Variants in HNRNPC observed in about 807,000 individuals in gnomAD.
HNRNPC encodes heterogeneous nuclear ribonucleoproteins C1/C2.
Under a neutral mutation model 33.2 loss-of-function variants are expected in HNRNPC, and 3 were observed. That is an observed-to-expected ratio of 0.09 (90% CI 0.04 to 0.23). HNRNPC has a LOEUF of 0.23. Among genes scored for constraint, HNRNPC ranks in the 10% least tolerant of loss-of-function variants. The probability of loss-of-function intolerance (pLI) is 1.00; values close to 1 mark genes in which losing one functional copy is unlikely to be tolerated. For missense variants in HNRNPC, 143 were observed against 366.7 expected (o/e 0.39, Z 4.98); for synonymous variants, 121 against 126.7 (o/e 0.96, Z 0.30).
rs1376943783 is a variant in HNRNPC at position 21,209,540 on chromosome 14, T to C, written c.*1683A>G. The C allele has an allele frequency of 6.6e-6, 1 of 152,220 alleles. No individual in the cohort carries two copies. Among genetic ancestry groups the C allele is most frequent in the Admixed American group, 6.5e-5 (1 of 15,272 alleles). 9.4% of individuals were successfully genotyped at this position (152,220 alleles called of 1,614,324 possible). A position where few individuals can be genotyped will look rare whatever the true frequency, so the allele number is the denominator to read the frequency against. ...AAGTGGGTAGTATTTTTGACTGAAT[T>C]AACATACAAAAGAAATTGCCTATAT... is the stretch of plus-strand genomic sequence containing the variant. On this transcript the variant is annotated 3_prime_UTR_variant, in exon 9 of 9. Transcript: ENST00000553300.
rs1412620886 is a variant in HNRNPC, at chr14:21,230,308, T to G, written c.365+11A>C. 1 of 1,591,218 alleles carries G rather than the reference T, an allele frequency of 6.3e-7. No homozygotes were observed. The highest frequency in any genetic ancestry group is 1.7e-5 in the Admixed American group (1 of 59,606). The stretch of plus-strand genomic sequence containing the variant: ...AGCTGTTTAGCAGAAATACAAAACA[T>G]TTTAACATACCTATCATAATAGTCC... On this transcript the variant is annotated intron_variant, in intron 5 of 8. Transcript: ENST00000553300.
intron 1 of HNRNPC, among the ~76,000 whole-genome samples, chr14:21,266,046 G>A (rs202243400): frequency 2.0e-5 from 3 of 152,164 alleles, no homozygotes; most frequent in South Asian, 2.1e-4. Context: ...GTTGGCTAAC[G>A]TTTGAGAACC....
chr14:21,253,064 C>T (rs1012443241), intron 2 of HNRNPC, among the ~76,000 whole-genome samples: 34 of 150,952 alleles, frequency 2.3e-4, no homozygotes, highest in African/African-American at 6.1e-4. Context: ...ATCTCAGCTA[C>T]TCAGGAGACT....
At chr14:21,241,595 C>T (rs754311875) in intron 2 of HNRNPC, among the ~76,000 whole-genome samples, 3 of 152,164 alleles carry the variant, frequency 2.0e-5, no homozygotes, top group Non-Finnish European at 4.4e-5. Context: ...CTTATTTTGC[C>T]TATTTAGGTC....
chr14:21,233,908 A>C (rs757597406), intron 3 of HNRNPC, 45 bp downstream of exon 3: 4 of 1,583,720 alleles, frequency 2.5e-6, no homozygotes, highest in African/African-American at 1.4e-5. Context: ...CGTGAATAGA[A>C]AAACTCAGGC....
Position 21,251,619 on chromosome 14 carries a change from T to G in HNRNPC, c.-37+11692A>C, listed in dbSNP as rs200105303. On this transcript the variant is annotated intron_variant, in intron 2 of 8. Coordinates refer to ENST00000553300, the MANE Select transcript of HNRNPC (RefSeq NM_004500.4). Reference sequence around the variant, plus strand: ...ACTGCTTGAACCCGGGAAGTGGAGGTTGCAGTGAGCCAAGACTGCGCCGCT... The same window carrying G: ...ACTGCTTGAACCCGGGAAGTGGAGGGTGCAGTGAGCCAAGACTGCGCCGCT... Among the ~76,000 whole-genome samples, 8 of 151,674 alleles carry G rather than the reference T, an allele frequency of 5.3e-5. No individual in the cohort carries two copies. In the East Asian group the frequency reaches 1.4e-3, roughly 26 times the overall value.
In HNRNPC at chr14:21,214,858, G is replaced by A. The variant is rs186714007; in HGVS notation, c.366-1741C>T. On this transcript the variant is annotated intron_variant, in intron 5 of 8. Transcript: ENST00000553300. ...AAATTGCTTAACGACAATTTCTGGA[G>A]GTGAATCAAAATAAGTTATCCATAT... 1.1e-3 allele frequency among the ~76,000 whole-genome samples: 171 copies of A among 152,238 alleles called. 1 individual carries two copies. The East Asian group carries it at 0.032, about 28-fold the overall frequency.
intron 5 of HNRNPC, among the ~76,000 whole-genome samples, chr14:21,220,811 C>T (rs1892745045): frequency 6.7e-6 from 1 of 149,634 alleles, no homozygotes; most frequent in Non-Finnish European, 1.5e-5. Flanking sequence ...AAAATTCTAT[C>T]TGTTTTCAAG....
chr14:21,239,272 C>T (rs150799789), intron 2 of HNRNPC, among the ~76,000 whole-genome samples: 49 of 151,766 alleles, frequency 3.2e-4, no homozygotes, highest in African/African-American at 9.9e-4. Flanking sequence ...GAGGTCAGAA[C>T]GAGACAGTAT....
rs1322325907 is a variant in HNRNPC at position 21,210,148 on chromosome 14, G to A, written c.*1075C>T. 1 of 152,102 alleles carries A rather than the reference G, an allele frequency of 6.6e-6. No homozygotes were observed. The highest frequency in any genetic ancestry group is 2.4e-5 in the African/African-American group (1 of 41,398). 9.4% of individuals were successfully genotyped at this position (152,102 alleles called of 1,614,324 possible). ...TAATTAAAAGAACAAAATAGAAGCA[G>A]GGGGGTTCCATTATGCAGCTGTCGC... On this transcript the variant is annotated 3_prime_UTR_variant, in exon 9 of 9. Transcript: ENST00000553300.
chr14:21,241,267 A>AAAC (rs1157152296), intron 2 of HNRNPC, among the ~76,000 whole-genome samples: 1 of 151,590 alleles, frequency 6.6e-6, no homozygotes, highest in African/African-American at 2.4e-5. Flanking sequence ...CAAAAAAAAA[A>AAAC]AAAAAAAAAC....
intron 5 of HNRNPC, among the ~76,000 whole-genome samples, chr14:21,214,588 A>G (rs1458267497): frequency 6.6e-6 from 1 of 150,992 alleles, no homozygotes; most frequent in Admixed American, 6.9e-5. Context: ...AAAAAAAAAG[A>G]AAACAGAAAA....
At position 21,211,935 on chromosome 14, in the gene HNRNPC, A is replaced by G; in HGVS notation, c.524-12T>C. The G allele has an allele frequency of 6.4e-7, 1 of 1,569,102 alleles. No individual in the cohort carries two copies. Among genetic ancestry groups the G allele is most frequent in the Non-Finnish European group, 8.8e-7 (1 of 1,140,236 alleles). ...GTCATCTCCTTTCACTTTAATATAAACAAAATACTAGATTAAAATCAAATG... is the reference window on the plus strand; with the variant it reads ...GTCATCTCCTTTCACTTTAATATAAGCAAAATACTAGATTAAAATCAAATG... On this transcript the variant is annotated splice_polypyrimidine_tract_variant and intron_variant, in intron 6 of 8. Transcript: ENST00000553300.
At chr14:21,236,062 G>GT (rs1366600552) in intron 2 of HNRNPC, among the ~76,000 whole-genome samples, 10 of 152,028 alleles carry the variant, frequency 6.6e-5, no homozygotes, top group Admixed American at 2.0e-4. Flanking sequence ...TACATAGCTA[G>GT]TATTATTTTC....
chr14:21,244,512 T>G (rs968650532), intron 2 of HNRNPC, among the ~76,000 whole-genome samples: 46 of 152,230 alleles, frequency 3.0e-4, no homozygotes, highest in Non-Finnish European at 1.5e-5. Flanking sequence ...AGCTTTTGAA[T>G]TGCCAAAGTC....
chr14:21,216,120 CAAAAAAAAA>C (rs370660995), intron 5 of HNRNPC, among the ~76,000 whole-genome samples: 13 of 87,834 alleles, frequency 1.5e-4, no homozygotes, highest in Admixed American at 4.3e-4. Context: ...CCTCCACCAC[CAAAAAAAAA>C]AAAAAAAAAA....
chr14:21,228,183 A>C (rs553512420), intron 5 of HNRNPC, among the ~76,000 whole-genome samples: 1 of 152,346 alleles, frequency 6.6e-6, no homozygotes, highest in South Asian at 2.1e-4. Context: ...CAGTGCCTTC[A>C]AGACACCTGA....
At chr14:21,214,991 A>G (rs1167040205) in intron 5 of HNRNPC, among the ~76,000 whole-genome samples, 1 of 152,216 alleles carries the variant, frequency 6.6e-6, no homozygotes, top group Non-Finnish European at 1.5e-5. Flanking sequence ...CCAATGAGCT[A>G]GCTAGCTAGT....
chr14:21,253,831 T>C lies in HNRNPC; in HGVS notation c.-37+9480A>G, dbSNP rs192126959. On this transcript the variant is annotated intron_variant, in intron 2 of 8. Transcript: ENST00000553300. ...CTGTAATCCCAGCACTTTGGGAGGCTAAGGCGGGCAGATCACGAGGTCAGC... is the reference window on the plus strand; with the variant it reads ...CTGTAATCCCAGCACTTTGGGAGGCCAAGGCGGGCAGATCACGAGGTCAGC... Among the ~76,000 whole-genome samples, 329 of 151,944 alleles carry C rather than the reference T, an allele frequency of 2.2e-3. 1 individual carries two copies. Among genetic ancestry groups the C allele is most frequent in the Non-Finnish European group, 3.0e-3 (202 of 67,924 alleles).
Sources: allele counts gnomAD v4.1 joint callset (sites outside exome capture counted in the v4.1 genomes callset), GRCh38; gene constraint gnomAD v4.1.1; transcripts MANE v1.5; gene names NCBI Gene and HGNC (gene_info 2026-07-23, HGNC 2026-07-21).